Variants in ERICH1 observed in about 807,000 individuals in gnomAD.
ERICH1 encodes glutamate-rich protein 1.
ERICH1 carries 56 observed loss-of-function variants against 39.6 expected under a neutral mutation model. The ratio of observed to expected loss-of-function variants is 1.41; its 90% confidence interval spans 1.14 to 1.77. The LOEUF is 1.77. Among genes scored for constraint, ERICH1 ranks in the 40% most tolerant of loss-of-function variants. The pLI, the probability that ERICH1 is intolerant of heterozygous loss-of-function variation, is 0.00. For missense variants in ERICH1, 826 were observed against 575.4 expected (o/e 1.44, Z -4.45); for synonymous variants, 313 against 223.6 (o/e 1.40, Z -3.57).
intron 3 of ERICH1, among the ~76,000 whole-genome samples, chr8:688,035 G>T (rs1248556199): frequency 1.3e-5 from 2 of 152,116 alleles, no homozygotes; most frequent in East Asian, 3.9e-4. Flanking sequence ...GCCCTGGAAA[G>T]GCGGGGGAGA....
chr8:687,308 G>C (rs929377285), intron 3 of ERICH1, among the ~76,000 whole-genome samples: 1 of 152,134 alleles, frequency 6.6e-6, no homozygotes, highest in Non-Finnish European at 1.5e-5. Flanking sequence ...TTGCCTTACG[G>C]GCTGTTTTTA....
At chr8:695,125 C>A (rs567783387) in intron 2 of ERICH1, among the ~76,000 whole-genome samples, 6 of 152,208 alleles carry the variant, frequency 3.9e-5, no homozygotes, top group East Asian at 3.9e-4. Context: ...CTCCTTTCTC[C>A]CCGTCAGGTT....
At chr8:626,486 A>C (rs1469108102) in intron 3 of ERICH1, 1 of 153,086 alleles carries the variant, frequency 6.5e-6, no homozygotes, top group Non-Finnish European at 1.5e-5. Context: ...GACACTAATA[A>C]CATGGTGCCC....
intron 3 of ERICH1, among the ~76,000 whole-genome samples, chr8:642,759 C>G (rs1308686982): frequency 6.6e-6 from 1 of 152,116 alleles, no homozygotes; most frequent in Admixed American, 6.5e-5. Flanking sequence ...TTGTGGAGTT[C>G]TCACCGGCTC....
intron 3 of ERICH1, among the ~76,000 whole-genome samples, chr8:617,861 A>C (rs1584924423): frequency 7.7e-6 from 1 of 129,092 alleles, no homozygotes; most frequent in African/African-American, 3.0e-5. Context: ...CTCAGTACTG[A>C]GTGCTCCATC....
chr8:685,992 CAAAAA>C (rs33933491), intron 3 of ERICH1, among the ~76,000 whole-genome samples: 1 of 128,472 alleles, frequency 7.8e-6, no homozygotes, highest in Non-Finnish European at 1.6e-5. Flanking sequence ...TAAAAAATAC[CAAAAA>C]AAAAAAAAAA....
At position 673,730 on chromosome 8, in the gene ERICH1, C is replaced by T. The variant is rs1266950856; in HGVS notation, c.622G>A (p.Glu208Lys). ...TCCTCGCTGGTGTCCACACCATCCT[C>T]CTCACAAGCCTCTCCCACGCCTTCC... is the stretch of plus-strand genomic sequence containing the variant. ...EGEGVGEACEEDGVDTSEEDP... is the reference protein window; with the variant it reads ...EGEGVGEACEKDGVDTSEEDP... The change falls in exon 4 of 6, where the codon GAG (glutamate) becomes AAG (lysine). Residue 208 changes from glutamate (E) to lysine (K), a missense_variant. Physicochemically the swap from Glu to Lys is moderately conservative, Grantham distance 56. Transcript: ENST00000262109. 16 of 1,614,208 alleles carry T rather than the reference C, an allele frequency of 9.9e-6. No individual in the cohort carries two copies. Among genetic ancestry groups the T allele is most frequent in the Non-Finnish European group, 1.4e-5 (16 of 1,180,018 alleles).
Position 664,751 on chromosome 8 carries a change from C to T in ERICH1, c.1259-75G>A, listed in dbSNP as rs1801934683. On this transcript the variant is annotated intron_variant, in intron 5 of 5. Coordinates refer to ENST00000262109, the MANE Select transcript of ERICH1 (RefSeq NM_207332.3). Reference sequence around the variant, plus strand: ...AAATCATAAGTTATTATTATGTAGACACGAGCCTTTGGGCCCAAAGTGAAC... The same window carrying T: ...AAATCATAAGTTATTATTATGTAGATACGAGCCTTTGGGCCCAAAGTGAAC... The T allele has an allele frequency of 2.3e-6, 3 of 1,284,262 alleles. No homozygotes were observed. In the South Asian group the frequency reaches 4.0e-5, roughly 17 times the overall value. 79.6% of individuals were successfully genotyped at this position (1,284,262 alleles called of 1,614,324 possible). A position where few individuals can be genotyped will look rare whatever the true frequency, so the allele number is the denominator to read the frequency against.
chr8:726,724 A>G (rs1818792382), intron 1 of ERICH1, among the ~76,000 whole-genome samples: 1 of 151,462 alleles, frequency 6.6e-6, no homozygotes. Context: ...ACAGGCACAC[A>G]CAGGCAAACA....
intron 2 of ERICH1, among the ~76,000 whole-genome samples, chr8:707,270 C>T (rs151284078): frequency 0.01 from 1,495 of 146,486 alleles, 32 homozygotes; most frequent in African/African-American, 0.034. Flanking sequence ...TGCAATGATG[C>T]GATCTTGGCT....
intron 1 of ERICH1, among the ~76,000 whole-genome samples, chr8:728,924 G>GA (rs112661537): frequency 0.23 from 34,965 of 149,912 alleles, 4,290 homozygotes; most frequent in Middle Eastern, 0.3. Context: ...CTACTTCCAG[G>GA]AAAAAAAAAA....
intron 1 of ERICH1, among the ~76,000 whole-genome samples, chr8:724,396 G>A (rs1022092745): frequency 6.6e-6 from 1 of 152,148 alleles, no homozygotes; most frequent in African/African-American, 2.4e-5. Flanking sequence ...AGCATTTGTC[G>A]TATCACGAAG....
At chr8:663,758 G>T (rs901481044), downstream of ERICH1, among the ~76,000 whole-genome samples, 14 of 145,708 alleles carry the variant, frequency 9.6e-5, no homozygotes, top group African/African-American at 1.2e-4. Context: ...TTGACTGATG[G>T]TTTTTTTTTT....
chr8:628,867 C>T (rs1322141017), intron 3 of ERICH1, among the ~76,000 whole-genome samples: 1 of 152,196 alleles, frequency 6.6e-6, no homozygotes, highest in Non-Finnish European at 1.5e-5. Context: ...AGCTCCCCTG[C>T]TGTGTGCCCT....
intron 2 of ERICH1, among the ~76,000 whole-genome samples, chr8:694,503 A>G (rs1213875027): frequency 2.0e-5 from 3 of 152,210 alleles, no homozygotes; most frequent in African/African-American, 7.2e-5. Flanking sequence ...AGAGCAAACA[A>G]GGATGCAGCT....
intron 1 of ERICH1, among the ~76,000 whole-genome samples, chr8:729,747 A>G (rs1819574167): frequency 6.6e-6 from 1 of 151,962 alleles, no homozygotes; most frequent in East Asian, 1.9e-4. Flanking sequence ...TTTCGAGGGA[A>G]GGTGATTAGT....
chr8:632,650 T>C (rs981096137), intron 3 of ERICH1, among the ~76,000 whole-genome samples: 2 of 152,262 alleles, frequency 1.3e-5, no homozygotes, highest in Middle Eastern at 3.4e-3. Flanking sequence ...AACATAAAAT[T>C]CACAAACAGG....
At chr8:690,669 G>A (rs967539314) in intron 3 of ERICH1, among the ~76,000 whole-genome samples, 1 of 152,266 alleles carries the variant, frequency 6.6e-6, no homozygotes, top group Admixed American at 6.5e-5. Flanking sequence ...AAGTTGCTGT[G>A]GGGATGCCCC....
At chr8:644,267 C>T (rs545661396) in intron 3 of ERICH1, among the ~76,000 whole-genome samples, 1 of 152,256 alleles carries the variant, frequency 6.6e-6, no homozygotes, top group Non-Finnish European at 1.5e-5. Flanking sequence ...GGCTTCAGGG[C>T]TCCTGCAGAG....
Sources: gnomAD v4.1 joint callset for allele counts (sites outside exome capture counted in the v4.1 genomes callset) on GRCh38, gnomAD v4.1.1 for gene constraint, MANE v1.5 for transcripts, NCBI Gene and HGNC (gene_info 2026-07-23, HGNC 2026-07-21) for gene names.